The following TENM1 variants were observed in gnomAD, a reference collection of about 807,000 sequenced individuals.
The protein encoded by TENM1 is teneurin transmembrane protein 1.
Under a neutral mutation model 174.8 loss-of-function variants are expected in TENM1, and 35 were observed. That is an observed-to-expected ratio of 0.20 (90% CI 0.15 to 0.27). The LOEUF (loss-of-function observed/expected upper bound fraction) is 0.27, where lower values mean the gene tolerates loss of function less well. Ranked by LOEUF, TENM1 falls within the 10% of genes least tolerant of loss-of-function variation. TENM1 has a pLI of 1.00. For synonymous variants in TENM1, 781 were observed against 798.7 expected (o/e 0.98, Z 0.37); for missense variants, 1,633 against 2,130.1 (o/e 0.77, Z 4.59).
At chrX:124,391,153 T>C (rs1015227017) in intron 28 of TENM1, among the ~76,000 whole-genome samples, 15 of 111,667 alleles carry the variant, frequency 1.3e-4, no homozygotes, top group Non-Finnish European at 2.8e-4. Flanking sequence ...TTGGTACCAA[T>C]AGGGAAATCT....
At chrX:124,966,373 C>T (rs760265788), upstream of TENM1, among the ~76,000 whole-genome samples, 2 of 111,863 alleles carry the variant, frequency 1.8e-5, no homozygotes, top group African/African-American at 6.5e-5. Flanking sequence ...CCTTTGCAAC[C>T]TCCCATAAAA....
At chrX:125,164,290 C>T in the TENM1 span, among the ~76,000 whole-genome samples, 16 of 111,608 alleles carry the variant, frequency 1.4e-4, no homozygotes, top group African/African-American at 5.2e-4. Flanking sequence ...CACTTTCAAT[C>T]CCTCTCAGAA....
the TENM1 span, among the ~76,000 whole-genome samples, chrX:125,139,022 A>G: frequency 9.0e-6 from 1 of 110,605 alleles, no homozygotes; most frequent in Non-Finnish European, 1.9e-5. Context: ...ATAGTGTTCT[A>G]CTACTGTTTT....
At chrX:124,494,000 G>A (rs1039032595) in intron 20 of TENM1, among the ~76,000 whole-genome samples, 1 of 111,479 alleles carries the variant, frequency 9.0e-6, no homozygotes, top group African/African-American at 3.3e-5. Flanking sequence ...AAATGGATGG[G>A]GGCTTGGGAC....
intron 18 of TENM1, 114 bp downstream of exon 21, chrX:124,520,403 G>A (rs2047814539): frequency 1.4e-5 from 11 of 780,035 alleles, no homozygotes; most frequent in Admixed American, 6.2e-5. Context: ...AATGCCTTAG[G>A]TCCTTTAAAC....
At chrX:124,692,828 GA>G (rs1339070291) in intron 5 of TENM1, among the ~76,000 whole-genome samples, 4 of 107,178 alleles carry the variant, frequency 3.7e-5, no homozygotes, top group Non-Finnish European at 7.7e-5. Context: ...CCAACATGGA[GA>G]AGCCCCGTCT....
rs916532163 is a variant in TENM1, at chrX:124,867,268, G to C, written c.535+27028C>G. ...AAATAATAGCAAACTGAATTCAACA[G>C]TATATTATAAAGATCATTCATCATG... On this transcript the variant is annotated intron_variant, in intron 3 of 31. Coordinates refer to ENST00000422452, the Ensembl canonical transcript of TENM1. 2.7e-5 allele frequency among the ~76,000 whole-genome samples: 3 copies of C among 111,813 alleles called. No individual in the cohort carries two copies. In the South Asian group the frequency reaches 1.1e-3, roughly 41 times the overall value.
At chrX:125,001,848 TAG>T in the TENM1 span, among the ~76,000 whole-genome samples, 8 of 86,321 alleles carry the variant, frequency 9.3e-5, no homozygotes, top group African/African-American at 1.9e-4. Context: ...AAACTATAGA[TAG>T]ATACACACAC....
Position 124,738,673 on chromosome X carries a change from TA to T in TENM1, c.536-1477del, listed in dbSNP as rs920331429. Among the ~76,000 whole-genome samples, 9 of 111,885 alleles carry T rather than the reference TA, an allele frequency of 8.0e-5. No homozygotes were observed. In the East Asian group the frequency reaches 2.5e-3, roughly 31 times the overall value. On this transcript the variant is annotated intron_variant, in intron 3 of 31. Transcript: ENST00000422452. ...GGCCCAGCTCAAATCCCATATTCACTAAAAAAAATCATCACAAATACTTAAC... is the reference window on the plus strand; with the variant it reads ...GGCCCAGCTCAAATCCCATATTCACTAAAAAAATCATCACAAATACTTAAC...
At chrX:124,804,569 T>G (rs992202670) in intron 3 of TENM1, among the ~76,000 whole-genome samples, 12 of 111,922 alleles carry the variant, frequency 1.1e-4, no homozygotes, top group African/African-American at 9.7e-5. Flanking sequence ...GAAAAGGTTT[T>G]CAAAAATGAC....
chrX:124,723,325 T>C (rs1286494825), intron 4 of TENM1, among the ~76,000 whole-genome samples: 1 of 111,871 alleles, frequency 8.9e-6, no homozygotes. Context: ...GATTCCTCTG[T>C]GATATTTGAA....
the TENM1 span, among the ~76,000 whole-genome samples, chrX:125,157,773 G>A: frequency 8.9e-6 from 1 of 111,937 alleles, no homozygotes; most frequent in Non-Finnish European, 1.9e-5. Flanking sequence ...ACAATTCATG[G>A]AAGAAAACAT....
At chrX:124,910,085 C>T (rs968026242) in intron 1 of TENM1, among the ~76,000 whole-genome samples, 3 of 112,064 alleles carry the variant, frequency 2.7e-5, no homozygotes, top group African/African-American at 6.5e-5. Context: ...GAACATTTTT[C>T]TTTATTTGAA....
chrX:124,788,712 T>C (rs773751898), intron 3 of TENM1, among the ~76,000 whole-genome samples: 1 of 112,880 alleles, frequency 8.9e-6, no homozygotes, highest in African/African-American at 3.2e-5. Flanking sequence ...CACACTGATA[T>C]AAGAGGTGGG....
chrX:124,394,961 A>G (rs911206148), intron 27 of TENM1, among the ~76,000 whole-genome samples: 5 of 111,905 alleles, frequency 4.5e-5, no homozygotes. Flanking sequence ...GTTTTGCTGA[A>G]CATTTTTATA....
At chrX:125,146,255 G>A in the TENM1 span, among the ~76,000 whole-genome samples, 1 of 110,983 alleles carries the variant, frequency 9.0e-6, no homozygotes, top group Non-Finnish European at 1.9e-5. Flanking sequence ...AAAATTTGGT[G>A]AGGGCAAAAG....
At chrX:124,817,023 T>C (rs1348697951) in intron 3 of TENM1, among the ~76,000 whole-genome samples, 1 of 110,803 alleles carries the variant, frequency 9.0e-6, no homozygotes, top group Non-Finnish European at 1.9e-5. Flanking sequence ...TTTCTTCTAA[T>C]GTTATTCCTC....
At chrX:124,721,663 G>C (rs2053311474) in intron 4 of TENM1, among the ~76,000 whole-genome samples, 1 of 112,228 alleles carries the variant, frequency 8.9e-6, no homozygotes, top group Non-Finnish European at 1.9e-5. Flanking sequence ...AAGAGCATTG[G>C]ATTGTTTGCA....
At chrX:125,004,955 T>C in the TENM1 span, among the ~76,000 whole-genome samples, 1 of 111,171 alleles carries the variant, frequency 9.0e-6, no homozygotes, top group Non-Finnish European at 1.9e-5. Context: ...TGGCTCAGGA[T>C]ACTAGAGCAA....
Sources: gnomAD v4.1 joint callset for allele counts (sites outside exome capture counted in the v4.1 genomes callset) on GRCh38, gnomAD v4.1.1 for gene constraint, MANE v1.5 for transcripts, NCBI Gene and HGNC (gene_info 2026-07-23, HGNC 2026-07-21) for gene names.